Variants in DNAH17 observed in about 807,000 individuals in gnomAD.
DNAH17 encodes the protein axonemal beta dynein heavy chain 17.
A neutral mutation model predicts 485.6 loss-of-function variants in DNAH17; 376 were observed. That is an observed-to-expected ratio of 0.77 (90% CI 0.71 to 0.84). The LOEUF (loss-of-function observed/expected upper bound fraction) is 0.84, where lower values mean the gene tolerates loss of function less well. DNAH17 is among the 40% of genes least tolerant of loss of function. DNAH17 has a pLI of 0.00. For missense variants in DNAH17, 6,370 were observed against 5,839.3 expected (o/e 1.09, Z -2.96); for synonymous variants, 3,031 against 2,405.9 (o/e 1.26, Z -7.60).
intron 31 of DNAH17, among the ~76,000 whole-genome samples, chr17:78,503,420 CATGA>C (rs1178707303): frequency 1.3e-5 from 2 of 150,326 alleles, no homozygotes; most frequent in Non-Finnish European, 3.0e-5. Context: ...CTCCTGACCT[CATGA>C]TCCGCCCACC....
At chr17:78,503,141 A>AT in intron 31 of DNAH17, 130 bp from the exon 32 acceptor site, 1 of 639,002 alleles carries the variant, frequency 1.6e-6, no homozygotes, top group Non-Finnish European at 2.3e-6. Flanking sequence ...CAGGTCAAGG[A>AT]TTTTACAGAG....
chr17:78,446,067 G>C (rs1360459376), intron 69 of DNAH17, among the ~76,000 whole-genome samples: 1 of 149,978 alleles, frequency 6.7e-6, no homozygotes. Context: ...CTAGCTACTC[G>C]GGATGCTGAG....
At chr17:78,433,570 C>G (rs971268579) in intron 75 of DNAH17, among the ~76,000 whole-genome samples, 1 of 152,138 alleles carries the variant, frequency 6.6e-6, no homozygotes, top group Non-Finnish European at 1.5e-5. Flanking sequence ...TTTGTCCCTC[C>G]TGCTCCAAAC....
In DNAH17 at chr17:78,552,685, T is replaced by C; in HGVS notation, c.2287+12A>G. On this transcript the variant is annotated intron_variant, in intron 15 of 80. Coordinates refer to ENST00000389840, the MANE Select transcript of DNAH17 (RefSeq NM_173628.4). ...AGTTTAATCCAATGTGGGAGGAATG[T>C]GGCCTCCGTACCTTCGCCATTCCAG... 2.5e-6 allele frequency: 4 copies of C among 1,600,936 alleles called. No homozygotes were observed. Among genetic ancestry groups the C allele is most frequent in the African/African-American group, 1.3e-5 (1 of 74,734 alleles).
Position 78,514,992 on chromosome 17 carries a change from T to C in DNAH17, c.3895A>G (p.Thr1299Ala). 1.2e-6 allele frequency: 2 copies of C among 1,614,052 alleles called. No individual in the cohort carries two copies. Residue 1299 changes from threonine (T) to alanine (A), a missense_variant, in exon 26 of 81, where the codon ACC becomes GCC. Physicochemically the swap from Thr to Ala is moderately conservative, Grantham distance 58. Transcript: ENST00000389840. ...VNTSIEDWKT[T>A]KWKDINVEQM... ...TCAACGTTGATATCTTTCCACTTGGTGGTCTTCCAGTCCTCGATGCTGGTA... is the reference window on the plus strand; with the variant it reads ...TCAACGTTGATATCTTTCCACTTGGCGGTCTTCCAGTCCTCGATGCTGGTA...
intron 25 of DNAH17, among the ~76,000 whole-genome samples, chr17:78,517,552 TAGG>T (rs1272813157): frequency 6.6e-6 from 1 of 152,188 alleles, no homozygotes; most frequent in Non-Finnish European, 1.5e-5. Context: ...TTCTGCTGCC[TAGG>T]AGGCCACATG....
rs2090302036 is a variant in DNAH17 at position 78,501,793 on chromosome 17, G to A, written c.5271C>T (p.Cys1757=). The change falls in exon 34 of 81, where the codon TGC becomes TGT. Residue 1757 remains cysteine (C), a synonymous_variant. Transcript: ENST00000389840. ...AGDRMKIMTI[C]TIDVHARDVV... ...CGTCCCGTGCGTGCACATCGATGGTGCAGATGGTCATGATCTTCATCCTGT... is the reference window on the plus strand; with the variant it reads ...CGTCCCGTGCGTGCACATCGATGGTACAGATGGTCATGATCTTCATCCTGT... 6.2e-7 allele frequency: 1 copy of A among 1,613,836 alleles called. No homozygotes were observed. Among genetic ancestry groups the A allele is most frequent in the Admixed American group, 1.7e-5 (1 of 60,016 alleles).
Position 78,529,486 on chromosome 17 carries a change from G to T in DNAH17, c.3493C>A (p.His1165Asn). The part of the protein sequence containing the change: ...TYGEEMPEEI[H>N]LKLQELPEHW... ...CCACCACGTACCTGCAGCTTCAAGT[G>T]GATCTCCTCTGGCATCTCCTCCCCG... Residue 1165 changes from histidine to asparagine, a missense_variant, in exon 22 of 81, where the codon CAC becomes AAC. Coordinates refer to ENST00000389840, the MANE Select transcript of DNAH17 (RefSeq NM_173628.4). 6.2e-7 allele frequency: 1 copy of T among 1,613,900 alleles called. No homozygotes were observed. Among genetic ancestry groups the T allele is most frequent in the Non-Finnish European group, 8.5e-7 (1 of 1,179,870 alleles).
At chr17:78,499,143 C>T (rs1296444474) in intron 36 of DNAH17, 31 bp from the exon 37 acceptor site, 1 of 1,489,132 alleles carries the variant, frequency 6.7e-7, no homozygotes, top group Non-Finnish European at 9.0e-7. Flanking sequence ...AAAGGAAGAG[C>T]TGGGAGGGTG....
intron 75 of DNAH17, among the ~76,000 whole-genome samples, chr17:78,429,801 G>A (rs770522400): frequency 2.0e-5 from 3 of 152,210 alleles, no homozygotes; most frequent in South Asian, 2.1e-4. Context: ...CCACGAAGTC[G>A]TTAGTCATGT....
chr17:78,486,012 G>T lies in DNAH17; in HGVS notation c.7223C>A (p.Pro2408His). 6.2e-7 allele frequency: 1 copy of T among 1,613,870 alleles called. No homozygotes were observed. Among genetic ancestry groups the T allele is most frequent in the Non-Finnish European group, 8.5e-7 (1 of 1,179,884 alleles). Residue 2408 changes from proline to histidine, a missense_variant, in exon 46 of 81, where the codon CCC becomes CAC. Physicochemically the swap from Pro to His is moderately conservative, Grantham distance 77. Transcript: ENST00000389840. ...YIDPDTKKFL[P>H]WTDKVPSFEL... ...AAAGGAGGGCACTTTATCTGTCCAG[G>T]GCAGGAACTTTTTTGTGTCAGGATC...
intron 75 of DNAH17, among the ~76,000 whole-genome samples, chr17:78,431,038 C>T (rs1196645700): frequency 6.7e-6 from 1 of 148,218 alleles, no homozygotes; most frequent in Non-Finnish European, 1.5e-5. Flanking sequence ...ACCACCATGC[C>T]AGACTAATTT....
intron 54 of DNAH17, among the ~76,000 whole-genome samples, chr17:78,473,728 GA>G (rs913959309): frequency 3.9e-5 from 6 of 152,044 alleles, no homozygotes; most frequent in Non-Finnish European, 7.4e-5. Flanking sequence ...GGATCAGGGA[GA>G]AAATCCCCGC....
chr17:78,451,643 C>T lies in DNAH17; in HGVS notation c.10560G>A (p.Glu3520=), dbSNP rs1428994566. The change falls in exon 66 of 81, where the codon GAG becomes GAA. Residue 3520 remains glutamate, a synonymous_variant. Coordinates refer to ENST00000389840, the MANE Select transcript of DNAH17 (RefSeq NM_173628.4). ...GGATCAGGCGGAACTTGGGGTGGTA[C>T]TCCACCTCCTTGTCACCGATCTTAA... ...KYIKIGDKEV[E]YHPKFRLILH... is the part of the protein sequence containing the mutation. 2.5e-6 allele frequency: 4 copies of T among 1,587,350 alleles called. No homozygotes were observed. In the African/African-American group the frequency reaches 4.1e-5, roughly 16 times the overall value.
At chr17:78,529,130 G>A (rs1265646556) in intron 22 of DNAH17, among the ~76,000 whole-genome samples, 4 of 152,062 alleles carry the variant, frequency 2.6e-5, no homozygotes, top group Non-Finnish European at 5.9e-5. Context: ...TTGTAGAGAT[G>A]GGCTTTCTCC....
Position 78,574,851 on chromosome 17 carries a change from G to A in DNAH17, c.207C>T (p.Pro69=), listed in dbSNP as rs1326001037. The change falls in exon 2 of 81, where the codon CCC becomes CCT. Residue 69 remains proline (P), a synonymous_variant. Coordinates refer to ENST00000389840, the MANE Select transcript of DNAH17 (RefSeq NM_173628.4). ...AAACCCCTTTGGACTTGAGGGACTG[G>A]GGGAAGCCCAGGCAGGGTATGATCA... is the stretch of plus-strand genomic sequence containing the variant. ...AGMIIPCLGF[P]QSLKSKGVYF... 6.2e-7 allele frequency: 1 copy of A among 1,613,902 alleles called. No individual in the cohort carries two copies. The highest frequency in any genetic ancestry group is 2.2e-5 in the East Asian group (1 of 44,894).
At chr17:78,525,858 T>C (rs543322817) in intron 24 of DNAH17, among the ~76,000 whole-genome samples, 29 of 152,246 alleles carry the variant, frequency 1.9e-4, no homozygotes, top group Non-Finnish European at 3.4e-4. Flanking sequence ...GAAACGGCCA[T>C]GAGGAAAGGT....
Position 78,575,047 on chromosome 17 carries a change from G to A in DNAH17, c.11C>T (p.Ala4Val), listed in dbSNP as rs767907296. MTM[A>V]PDVRLEYLEE... Reference sequence around the variant, plus strand: ...CAGATACTCTAGTCTGACGTCCGGGGCCATTGTCATCTTGGCCTTTCCTTA... The same window carrying A: ...CAGATACTCTAGTCTGACGTCCGGGACCATTGTCATCTTGGCCTTTCCTTA... The change falls in exon 2 of 81, where the codon GCC (alanine) becomes GTC (valine). Residue 4 changes from alanine to valine, a missense_variant. Ala to Val is a moderately conservative substitution (Grantham distance 64). Coordinates refer to ENST00000389840, the MANE Select transcript of DNAH17 (RefSeq NM_173628.4). The A allele has an allele frequency of 6.2e-7, 1 of 1,612,356 alleles. No individual in the cohort carries two copies. Among genetic ancestry groups the A allele is most frequent in the Admixed American group, 1.7e-5 (1 of 59,900 alleles).
At chr17:78,425,285 T>G in intron 80 of DNAH17, 61 bp downstream of exon 80, 1 of 1,475,242 alleles carries the variant, frequency 6.8e-7, no homozygotes, top group Non-Finnish European at 9.2e-7. Flanking sequence ...TAGTTTTATC[T>G]TGTCTTGGCA....
Sources: allele counts gnomAD v4.1 joint callset (sites outside exome capture counted in the v4.1 genomes callset), GRCh38; gene constraint gnomAD v4.1.1; transcripts MANE v1.5; gene names NCBI Gene and HGNC (gene_info 2026-07-23, HGNC 2026-07-21).